DNER: variants seen among roughly 807,000 people sequenced by gnomAD.
DNER encodes the protein delta/notch like EGF repeat containing.
DNER carries 33 observed loss-of-function variants against 78.2 expected under a neutral mutation model. The observed-to-expected ratio is 0.42, with a 90% CI of 0.32 to 0.56. The LOEUF (loss-of-function observed/expected upper bound fraction) is 0.56, where lower values mean the gene tolerates loss of function less well. Ranked by LOEUF, DNER falls within the 20% of genes least tolerant of loss-of-function variation. The probability of loss-of-function intolerance (pLI) is 0.11; values close to 1 mark genes in which losing one functional copy is unlikely to be tolerated. For missense variants in DNER, 918 were observed against 975.3 expected, an observed-to-expected ratio of 0.94 and a Z score of 0.78; for synonymous variants, 417 against 384.8, an observed-to-expected ratio of 1.08 and a Z score of -0.98.
chr2:229,428,322 T>A (rs900246363), intron 8 of DNER, among the ~76,000 whole-genome samples: 3 of 151,980 alleles, frequency 2.0e-5, no homozygotes, highest in Admixed American at 1.3e-4. Context: ...GACAGGGCCA[T>A]GTGGAATATA....
intron 1 of DNER, among the ~76,000 whole-genome samples, chr2:229,667,488 ATGACT>A (rs67867058): frequency 0.37 from 55,788 of 151,920 alleles, 10,614 homozygotes; most frequent in East Asian, 0.5. Flanking sequence ...GACATCCTTA[ATGACT>A]ATTACATAAA....
chr2:229,578,135 G>T (rs151173767), intron 4 of DNER, among the ~76,000 whole-genome samples: 1 of 152,150 alleles, frequency 6.6e-6, no homozygotes, highest in South Asian at 2.1e-4. Context: ...GCATCTCCCC[G>T]TGGGCTTTTC....
chr2:229,688,471 C>T (rs1699520987), intron 1 of DNER, among the ~76,000 whole-genome samples: 1 of 152,224 alleles, frequency 6.6e-6, no homozygotes, highest in African/African-American at 2.4e-5. Flanking sequence ...TGGCCAGATA[C>T]ATCCTCTTGG....
intron 6 of DNER, among the ~76,000 whole-genome samples, chr2:229,501,675 T>C (rs1177418619): frequency 6.6e-6 from 1 of 152,192 alleles, no homozygotes; most frequent in Non-Finnish European, 1.5e-5. Flanking sequence ...TCAAACAAAA[T>C]AATTTTGCAT....
chr2:229,699,004 G>A (rs1574572525), intron 1 of DNER, among the ~76,000 whole-genome samples: 4 of 152,306 alleles, frequency 2.6e-5, no homozygotes, highest in Admixed American at 2.6e-4. Flanking sequence ...AATATGGAGA[G>A]TAAAGCATAA....
At chr2:229,399,672 G>C (rs1693226871) in intron 10 of DNER, among the ~76,000 whole-genome samples, 1 of 152,006 alleles carries the variant, frequency 6.6e-6, no homozygotes, top group Non-Finnish European at 1.5e-5. Context: ...AATAAAGGTA[G>C]AGGAATAGAC....
chr2:229,497,866 C>A (rs1020977492), intron 6 of DNER, among the ~76,000 whole-genome samples: 1 of 152,072 alleles, frequency 6.6e-6, no homozygotes, highest in African/African-American at 2.4e-5. Context: ...GGCTTCACTG[C>A]TGAATTGTAT....
At chr2:229,530,504 T>A (rs1696282392) in intron 5 of DNER, among the ~76,000 whole-genome samples, 1 of 152,220 alleles carries the variant, frequency 6.6e-6, no homozygotes, top group African/African-American at 2.4e-5. Context: ...CAGCTCAAAT[T>A]TTCTGCCCAG....
chr2:229,576,145 C>T (rs1232790930), intron 4 of DNER, among the ~76,000 whole-genome samples: 1 of 152,092 alleles, frequency 6.6e-6, no homozygotes, highest in East Asian at 1.9e-4. Flanking sequence ...TTTAAAATGA[C>T]CATGAAAAGG....
chr2:229,595,710 C>T, intron 1 of DNER, among the ~76,000 whole-genome samples: 1 of 152,202 alleles, frequency 6.6e-6, no homozygotes, highest in Non-Finnish European at 1.5e-5. Flanking sequence ...TCCTCCAATG[C>T]TCCAGTCACT....
At chr2:229,551,736 A>G (rs943072414) in intron 4 of DNER, among the ~76,000 whole-genome samples, 3 of 152,136 alleles carry the variant, frequency 2.0e-5, no homozygotes, top group African/African-American at 4.8e-5. Flanking sequence ...GTTCAAGACT[A>G]GCCTGGCCAA....
intron 8 of DNER, among the ~76,000 whole-genome samples, chr2:229,419,175 T>G (rs1252977489): frequency 6.6e-6 from 1 of 152,172 alleles, no homozygotes; most frequent in African/African-American, 2.4e-5. Context: ...AACCCACAAT[T>G]TCTTGATAAA....
At chr2:229,445,962 T>C (rs955095254) in intron 8 of DNER, among the ~76,000 whole-genome samples, 3 of 152,214 alleles carry the variant, frequency 2.0e-5, no homozygotes, top group Non-Finnish European at 2.9e-5. Context: ...TTCAACACCA[T>C]TCAAGTGCCA....
At chr2:229,578,812 C>A (rs1235435163) in intron 4 of DNER, among the ~76,000 whole-genome samples, 1 of 152,170 alleles carries the variant, frequency 6.6e-6, no homozygotes, top group Non-Finnish European at 1.5e-5. Flanking sequence ...AAGCAGAGTT[C>A]AAGAATAAGA....
intron 11 of DNER, among the ~76,000 whole-genome samples, chr2:229,376,238 G>C (rs1692597566): frequency 6.6e-6 from 1 of 152,152 alleles, no homozygotes; most frequent in Admixed American, 6.5e-5. Context: ...TTTGGGAAGT[G>C]ATTAAGTCAT....
intron 6 of DNER, among the ~76,000 whole-genome samples, chr2:229,486,532 T>C (rs1043311551): frequency 1.3e-5 from 2 of 152,156 alleles, no homozygotes; most frequent in Admixed American, 6.5e-5. Flanking sequence ...AACAATCAGC[T>C]GAGAGAGCTC....
At chr2:229,466,338 T>C (rs1470669034) in intron 7 of DNER, among the ~76,000 whole-genome samples, 2 of 152,164 alleles carry the variant, frequency 1.3e-5, no homozygotes, top group Non-Finnish European at 2.9e-5. Context: ...TCTCCCTCCC[T>C]AACCTCGCCC....
intron 6 of DNER, among the ~76,000 whole-genome samples, chr2:229,501,178 G>A (rs990489847): frequency 6.6e-6 from 1 of 151,814 alleles, no homozygotes; most frequent in Non-Finnish European, 1.5e-5. Flanking sequence ...TACCTAGGTT[G>A]GTCAAAGGAT....
intron 5 of DNER, among the ~76,000 whole-genome samples, chr2:229,543,144 A>G (rs1177040520): frequency 6.6e-6 from 1 of 150,548 alleles, no homozygotes; most frequent in Non-Finnish European, 1.5e-5. Flanking sequence ...GTACCCTAAA[A>G]CTTAAAGTAT....
Sources: allele counts gnomAD v4.1 joint callset (sites outside exome capture counted in the v4.1 genomes callset), GRCh38; gene constraint gnomAD v4.1.1; transcripts MANE v1.5; gene names NCBI Gene and HGNC (gene_info 2026-07-23, HGNC 2026-07-21).